TBC1D12: variants seen among roughly 807,000 people sequenced by gnomAD.
TBC1D12 encodes the protein TBC1 domain family member 12.
Under a neutral mutation model 86.7 loss-of-function variants are expected in TBC1D12, and 56 were observed. The ratio of observed to expected loss-of-function variants is 0.65; its 90% confidence interval spans 0.52 to 0.81. The LOEUF (loss-of-function observed/expected upper bound fraction) is 0.81. TBC1D12 is among the 30% of genes least tolerant of loss of function. TBC1D12 has a pLI of 0.00. For missense variants in TBC1D12, 1,023 were observed against 1,038.8 expected, an observed-to-expected ratio of 0.98 and a Z score of 0.21; for synonymous variants, 421 against 411.7, an observed-to-expected ratio of 1.02 and a Z score of -0.27.
intron 2 of TBC1D12, among the ~76,000 whole-genome samples, chr10:94,473,102 C>A (rs1277171167): frequency 6.6e-6 from 1 of 151,938 alleles, no homozygotes; most frequent in Non-Finnish European, 1.5e-5. Context: ...CGCCTGTAAT[C>A]CTAGCACTTT....
intron 11 of TBC1D12, among the ~76,000 whole-genome samples, chr10:94,528,125 T>C (rs1247045638): frequency 6.6e-6 from 1 of 152,060 alleles, no homozygotes; most frequent in Non-Finnish European, 1.5e-5. Context: ...GTGTCATTGG[T>C]ATTTTGATAG....
rs2055390783 is a variant in TBC1D12 at position 94,442,076 on chromosome 10, CTTCTTCTTT to C, written c.1095+60_1095+68del. 4 of 1,368,896 alleles carry C rather than the reference CTTCTTCTTT, an allele frequency of 2.9e-6. No homozygotes were observed. The South Asian group carries it at 5.9e-5, about 20-fold the overall frequency. The allele number at this position is 1,368,896 out of a possible 1,614,324, so 84.8% of individuals were successfully genotyped here. On this transcript the variant is annotated intron_variant, in intron 2 of 12. Coordinates refer to ENST00000225235, the MANE Select transcript of TBC1D12 (RefSeq NM_015188.2). ...TAGCTTTTCAAGCATTCTTCTTCTT[CTTCTTCTTT>C]TTTTTTTTTTTTTTAAACTAACCAT... is the stretch of plus-strand genomic sequence containing the variant.
At chr10:94,459,408 G>A (rs953314257) in intron 2 of TBC1D12, among the ~76,000 whole-genome samples, 1 of 152,232 alleles carries the variant, frequency 6.6e-6, no homozygotes, top group Non-Finnish European at 1.5e-5. Context: ...GTCCCCACCC[G>A]ACTCAAGAGC....
At chr10:94,459,098 AGCTGATTGGTCCATTTTACAGAG>A (rs2055679923) in intron 2 of TBC1D12, among the ~76,000 whole-genome samples, 1 of 150,788 alleles carries the variant, frequency 6.6e-6, no homozygotes, top group Non-Finnish European at 1.5e-5. Context: ...TTTTACAGAG[AGCTGATTGGTCCATTTTACAGAG>A]AGCTGATTGG....
Position 94,535,880 on chromosome 10 carries a change from A to C in TBC1D12, c.*2784A>C, listed in dbSNP as rs1361935843. On this transcript the variant is annotated 3_prime_UTR_variant, in exon 13 of 13. Transcript: ENST00000225235. ...AAAATGTAAATACAAAGAATTCACT[A>C]AAAACCACTCATAACAATTACTGTG... The C allele has an allele frequency of 6.6e-6, 1 of 152,196 alleles. No individual in the cohort carries two copies. Among genetic ancestry groups the C allele is most frequent in the Admixed American group, 6.5e-5 (1 of 15,274 alleles). 9.4% of individuals were successfully genotyped at this position (152,196 alleles called of 1,614,324 possible). A position where few individuals can be genotyped will look rare whatever the true frequency, so the allele number is the denominator to read the frequency against.
chr10:94,406,293 G>A (rs1419522250), intron 1 of TBC1D12, among the ~76,000 whole-genome samples: 1 of 152,140 alleles, frequency 6.6e-6, no homozygotes, highest in Non-Finnish European at 1.5e-5. Flanking sequence ...TTATTCATAT[G>A]TGTCAGAGCA....
chr10:94,491,680 C>T (rs1564974403), intron 3 of TBC1D12, among the ~76,000 whole-genome samples: 1 of 152,292 alleles, frequency 6.6e-6, no homozygotes, highest in East Asian at 1.9e-4. Context: ...CTGCTAGGGA[C>T]ATGAGTTCAG....
At position 94,507,357 on chromosome 10, in the gene TBC1D12, CT is replaced by C. The variant is rs755231469; in HGVS notation, c.1600+17del. 1.3e-6 allele frequency: 2 copies of C among 1,584,966 alleles called. No homozygotes were observed. Among genetic ancestry groups the C allele is most frequent in the Middle Eastern group, 1.7e-4 (1 of 5,974 alleles). On this transcript the variant is annotated intron_variant, in intron 7 of 12. Coordinates refer to ENST00000225235, the MANE Select transcript of TBC1D12 (RefSeq NM_015188.2). Reference sequence around the variant, plus strand: ...GAGAATGATACAGAAGGTGTGATTTCTTTTTTTAAATAAGAATTTTAGGATG... The same window carrying C: ...GAGAATGATACAGAAGGTGTGATTTCTTTTTTAAATAAGAATTTTAGGATG...
At chr10:94,496,847 A>G (rs1460296726) in intron 4 of TBC1D12, among the ~76,000 whole-genome samples, 1 of 152,210 alleles carries the variant, frequency 6.6e-6, no homozygotes, top group African/African-American at 2.4e-5. Flanking sequence ...AAGAGAAAAC[A>G]AAGAATAGAA....
chr10:94,495,224 A>G (rs2056299744), intron 4 of TBC1D12, among the ~76,000 whole-genome samples: 1 of 151,924 alleles, frequency 6.6e-6, no homozygotes, highest in Admixed American at 6.5e-5. Context: ...GGGTTTTGCC[A>G]TGTTGGCCAG....
At chr10:94,516,687 G>T (rs1277949593) in intron 9 of TBC1D12, among the ~76,000 whole-genome samples, 1 of 150,674 alleles carries the variant, frequency 6.6e-6, no homozygotes, top group Non-Finnish European at 1.5e-5. Flanking sequence ...TTGTTCTTGC[G>T]AACAGTTTGC....
chr10:94,514,636 C>T (rs2056566798), intron 9 of TBC1D12, among the ~76,000 whole-genome samples: 1 of 152,158 alleles, frequency 6.6e-6, no homozygotes, highest in South Asian at 2.1e-4. Flanking sequence ...CTTTTGTATA[C>T]ATACACACAC....
intron 2 of TBC1D12, among the ~76,000 whole-genome samples, chr10:94,463,696 T>G (rs1425918285): frequency 6.6e-6 from 1 of 152,256 alleles, no homozygotes; most frequent in Non-Finnish European, 1.5e-5. Flanking sequence ...TTATTGAGAC[T>G]TGTTTATGCC....
chr10:94,467,074 T>G (rs1237649406), intron 2 of TBC1D12, among the ~76,000 whole-genome samples: 1 of 152,232 alleles, frequency 6.6e-6, no homozygotes, highest in East Asian at 1.9e-4. Context: ...GGGCCCGCTT[T>G]GTCTAATTTT....
At chr10:94,481,296 T>A (rs192184004) in intron 3 of TBC1D12, among the ~76,000 whole-genome samples, 2 of 152,222 alleles carry the variant, frequency 1.3e-5, no homozygotes, top group East Asian at 2.0e-4. Context: ...GACTTCTGTC[T>A]TGCTTAGAAA....
In TBC1D12 at chr10:94,531,774, GTTATT is replaced by G. The variant is rs1423147299; in HGVS notation, c.2259+324_2259+328del. 8.3e-3 allele frequency among the ~76,000 whole-genome samples: 844 copies of G among 101,188 alleles called. 13 individuals are homozygous for G. The highest frequency in any genetic ancestry group is 0.03 in the African/African-American group (778 of 25,946). The allele number at this position is 101,188 out of a possible 152,430, so 66.4% of individuals were successfully genotyped here. On this transcript the variant is annotated intron_variant, in intron 12 of 12. Transcript: ENST00000225235. Reference sequence around the variant, plus strand: ...GTTATTTTATTTTATTTTATTTTATGTTATTTTATTTTATGTTATTTTATTTTATG... The same window carrying G: ...GTTATTTTATTTTATTTTATTTTATGTTATTTTATGTTATTTTATTTTATG...
chr10:94,412,256 A>T (rs564979730), intron 1 of TBC1D12, among the ~76,000 whole-genome samples: 2 of 152,250 alleles, frequency 1.3e-5, no homozygotes, highest in Admixed American at 6.5e-5. Context: ...TATAGTGAAG[A>T]TTCAAATGTT....
In TBC1D12 at chr10:94,493,393, G is replaced by T; in HGVS notation, c.1240G>T (p.Ala414Ser). ...TCTTCCTGCCAAATCTGTGGAAGAA[G>T]CTTTACGTCACCGACAAGAATACGA... ...SNLPAKSVEE[A>S]LRHRQEYDEM... The change falls in exon 4 of 13, where the codon GCT becomes TCT. Residue 414 changes from alanine to serine, a missense_variant. Ala to Ser is a moderately conservative substitution (Grantham distance 99). Transcript: ENST00000225235. 6.2e-7 allele frequency: 1 copy of T among 1,612,546 alleles called. No homozygotes were observed. Among genetic ancestry groups the T allele is most frequent in the South Asian group, 1.1e-5 (1 of 90,222 alleles).
chr10:94,452,755 C>A (rs925263818), intron 2 of TBC1D12, among the ~76,000 whole-genome samples: 2 of 152,112 alleles, frequency 1.3e-5, no homozygotes, highest in Admixed American at 6.6e-5. Flanking sequence ...CTTCTGCGTG[C>A]AATTTTTTGT....
Sources: gnomAD v4.1 joint callset for allele counts (sites outside exome capture counted in the v4.1 genomes callset) on GRCh38, gnomAD v4.1.1 for gene constraint, MANE v1.5 for transcripts, NCBI Gene and HGNC (gene_info 2026-07-23, HGNC 2026-07-21) for gene names.